VRK1: variants seen among roughly 807,000 people sequenced by gnomAD.
The protein encoded by VRK1 is VRK serine/threonine kinase 1, also known as serine/threonine-protein kinase VRK1.
In VRK1, 33 loss-of-function variants were observed where a neutral mutation model predicts 57.1. That is an observed-to-expected ratio of 0.58 (90% CI 0.44 to 0.77). VRK1 has a LOEUF of 0.77. VRK1 is among the 30% of genes least tolerant of loss of function. VRK1 has a pLI of 0.00. For synonymous variants in VRK1, 137 were observed against 147.8 expected (o/e 0.93, Z 0.53); for missense variants, 413 against 477.3 (o/e 0.87, Z 1.25).
intron 12 of VRK1, among the ~76,000 whole-genome samples, chr14:96,878,938 C>T (rs1889144244): frequency 6.6e-6 from 1 of 152,118 alleles, no homozygotes; most frequent in African/African-American, 2.4e-5. Context: ...ACTTTCCCCC[C>T]TCCTGTTCAT....
chr14:96,869,746 G>A (rs926811063), intron 11 of VRK1, among the ~76,000 whole-genome samples: 1 of 152,062 alleles, frequency 6.6e-6, no homozygotes, highest in East Asian at 1.9e-4. Context: ...TAAAGCAGAG[G>A]AGTCCTGACC....
intron 10 of VRK1, among the ~76,000 whole-genome samples, chr14:96,857,114 G>T (rs370101578): frequency 6.6e-6 from 1 of 152,176 alleles, no homozygotes; most frequent in Non-Finnish European, 1.5e-5. Flanking sequence ...GGGACTGGGG[G>T]TACATCAGTG....
intron 1 of VRK1, among the ~76,000 whole-genome samples, chr14:96,806,034 A>G (rs1885864298): frequency 6.8e-6 from 1 of 148,122 alleles, no homozygotes; most frequent in Admixed American, 6.7e-5. Flanking sequence ...AGTGCTATGC[A>G]AGCTGCCCAT....
chr14:96,842,110 C>T (rs1887486967), intron 3 of VRK1, among the ~76,000 whole-genome samples: 1 of 151,994 alleles, frequency 6.6e-6, no homozygotes, highest in African/African-American at 2.4e-5. Context: ...AGCTTGTTTT[C>T]CCTATGCAGT....
chr14:96,846,714 G>GA (rs781778346), intron 4 of VRK1, among the ~76,000 whole-genome samples: 75 of 103,686 alleles, frequency 7.2e-4, no homozygotes, highest in Non-Finnish European at 1.2e-3. Flanking sequence ...AAATATTCCA[G>GA]AAAAAAAAAA....
In VRK1 at chr14:96,827,355, G is replaced by T. The variant is rs540398880; in HGVS notation, c.-5-6112G>T. Among the ~76,000 whole-genome samples, 5 of 152,298 alleles carry T rather than the reference G, an allele frequency of 3.3e-5. No homozygotes were observed. The East Asian group carries it at 9.6e-4, about 29-fold the overall frequency. ...AAGGGATACTGCAAGACTTAGCAGA[G>T]AAAGTGCTTCTCTTGTTGCCATGTG... On this transcript the variant is annotated intron_variant, in intron 1 of 12. Coordinates refer to ENST00000216639, the MANE Select transcript of VRK1 (RefSeq NM_003384.3).
At chr14:96,829,000 T>C (rs1886905840) in intron 1 of VRK1, among the ~76,000 whole-genome samples, 1 of 152,204 alleles carries the variant, frequency 6.6e-6, no homozygotes, top group African/African-American at 2.4e-5. Flanking sequence ...TCTGTCATAG[T>C]GGCCTCTTGC....
intron 1 of VRK1, among the ~76,000 whole-genome samples, chr14:96,800,230 T>C (rs1394211855): frequency 6.6e-6 from 1 of 152,172 alleles, no homozygotes; most frequent in Non-Finnish European, 1.5e-5. Flanking sequence ...CTCTGTCCTT[T>C]GAATTTTTTC....
intron 11 of VRK1, among the ~76,000 whole-genome samples, chr14:96,861,765 C>A (rs1023319309): frequency 6.6e-6 from 1 of 151,414 alleles, no homozygotes. Flanking sequence ...ACTTTTTTTT[C>A]TTTGATAAGT....
intron 1 of VRK1, among the ~76,000 whole-genome samples, chr14:96,818,514 A>G (rs571158412): frequency 2.0e-5 from 3 of 152,304 alleles, no homozygotes; most frequent in Admixed American, 6.5e-5. Flanking sequence ...TAAAGATTGT[A>G]TCACAGTTTG....
chr14:96,875,039 TAC>T (rs1251341780), intron 11 of VRK1, among the ~76,000 whole-genome samples: 7 of 152,216 alleles, frequency 4.6e-5, no homozygotes, highest in Non-Finnish European at 1.0e-4. Flanking sequence ...TTCTAAATGA[TAC>T]AGACTTATTT....
In VRK1 at chr14:96,876,025, G is replaced by T. The variant is rs1245552138; in HGVS notation, c.1069-5G>T. The T allele has an allele frequency of 6.2e-7, 1 of 1,612,196 alleles. No individual in the cohort carries two copies. Among genetic ancestry groups the T allele is most frequent in the Non-Finnish European group, 8.5e-7 (1 of 1,178,908 alleles). On this transcript the variant is annotated splice_polypyrimidine_tract_variant and splice_region_variant and intron_variant, in intron 11 of 12. Coordinates refer to ENST00000216639, the MANE Select transcript of VRK1 (RefSeq NM_003384.3). ...TCTCTCTCTCTCTTTAATTTTATAT[G>T]TAAGAAGCGAAAGAAAGAAATTGAA...
At chr14:96,801,615 A>G (rs1885666353) in intron 1 of VRK1, among the ~76,000 whole-genome samples, 1 of 152,204 alleles carries the variant, frequency 6.6e-6, no homozygotes, top group Non-Finnish European at 1.5e-5. Context: ...AAATCCATGT[A>G]TAAGCTTTGA....
intron 11 of VRK1, among the ~76,000 whole-genome samples, chr14:96,866,439 C>T (rs189301822): frequency 2.0e-5 from 3 of 152,224 alleles, no homozygotes; most frequent in East Asian, 1.9e-4. Context: ...ACTATATTGG[C>T]GATCTCTTCT....
rs1242373570 is a variant in VRK1 at position 96,860,642 on chromosome 14, G to T, written c.975G>T (p.Leu325Phe). 1.2e-6 allele frequency: 2 copies of T among 1,613,300 alleles called. No individual in the cohort carries two copies. Among genetic ancestry groups the T allele is most frequent in the Non-Finnish European group, 1.7e-6 (2 of 1,179,512 alleles). Residue 325 changes from leucine (L) to phenylalanine (F), a missense_variant, in exon 11 of 13, where the codon TTG becomes TTT. By Grantham distance (22) the Leu-to-Phe change is conservative. Transcript: ENST00000216639. The part of the protein sequence containing the change: ...PLYENLRDIL[L>F]QGLKAIGSKD... ...ATGAAAATTTACGTGACATTCTTTTGCAAGGACTAAAAGCTATAGGAAGTA... is the reference window on the plus strand; with the variant it reads ...ATGAAAATTTACGTGACATTCTTTTTCAAGGACTAAAAGCTATAGGAAGTA...
intron 1 of VRK1, among the ~76,000 whole-genome samples, chr14:96,820,275 G>C (rs191854757): frequency 6.6e-6 from 1 of 151,780 alleles, no homozygotes; most frequent in East Asian, 1.9e-4. Flanking sequence ...TCCACTTATA[G>C]AGCTTTTTCA....
chr14:96,881,419 A>G lies in VRK1; in HGVS notation c.*211A>G, dbSNP rs886050949. On this transcript the variant is annotated 3_prime_UTR_variant, in exon 13 of 13. Coordinates refer to ENST00000216639, the MANE Select transcript of VRK1 (RefSeq NM_003384.3). Reference sequence around the variant, plus strand: ...TATGAAATTTGAAAATCTTCAGGTTATACTCCTTAAGTTATCCCAAAGCCG... The same window carrying G: ...TATGAAATTTGAAAATCTTCAGGTTGTACTCCTTAAGTTATCCCAAAGCCG... The G allele has an allele frequency of 5.7e-6, 3 of 527,570 alleles. No individual in the cohort carries two copies. The highest frequency in any genetic ancestry group is 9.9e-6 in the Non-Finnish European group (3 of 302,580). 32.7% of individuals were successfully genotyped at this position (527,570 alleles called of 1,614,324 possible).
rs946798992 is a variant in VRK1 at position 96,855,238 on chromosome 14, T to C, written c.591T>C (p.Asp197=). 4.3e-6 allele frequency: 7 copies of C among 1,613,926 alleles called. No individual in the cohort carries two copies. The highest frequency in any genetic ancestry group is 1.3e-5 in the African/African-American group (1 of 74,926). ...GAAATTTATAGGTGTACTTGGTAGA[T>C]TATGGCCTTGCTTATCGGTACTGCC... ...YKNPDQVYLV[D]YGLAYRYCPE... Residue 197 remains aspartate, a synonymous_variant, in exon 8 of 13, where the codon GAT becomes GAC. Coordinates refer to ENST00000216639, the MANE Select transcript of VRK1 (RefSeq NM_003384.3).
chr14:96,808,910 C>G lies in VRK1; in HGVS notation c.-6+11463C>G, dbSNP rs186672966. ...GGAATTTGGTGGTTATGGCTTATCA[C>G]TGCCCTACAATGCTTGGGGTCTAGA... On this transcript the variant is annotated intron_variant, in intron 1 of 12. Coordinates refer to ENST00000216639, the MANE Select transcript of VRK1 (RefSeq NM_003384.3). Among the ~76,000 whole-genome samples, 204 of 152,316 alleles carry G rather than the reference C, an allele frequency of 1.3e-3. 1 individual carries two copies. The highest frequency in any genetic ancestry group is 4.0e-3 in the Admixed American group (61 of 15,302).
Sources: allele counts gnomAD v4.1 joint callset (sites outside exome capture counted in the v4.1 genomes callset), GRCh38; gene constraint gnomAD v4.1.1; transcripts MANE v1.5; gene names NCBI Gene and HGNC (gene_info 2026-07-23, HGNC 2026-07-21).